The following PHACTR1 variants were observed in gnomAD, a reference collection of about 807,000 sequenced individuals.
PHACTR1 encodes the protein RPEL repeat containing 1.
PHACTR1 carries 16 observed loss-of-function variants against 69.2 expected under a neutral mutation model. The ratio of observed to expected loss-of-function variants is 0.23; its 90% CI spans 0.16 to 0.35. The LOEUF (loss-of-function observed/expected upper bound fraction) is 0.35, where lower values mean the gene tolerates loss of function less well. PHACTR1 is among the 10% of genes least tolerant of loss of function. The pLI is 1.00. For synonymous variants in PHACTR1, 312 were observed against 284.5 expected, an observed-to-expected ratio of 1.10 and a Z score of -0.97; for missense variants, 510 against 734.7, an observed-to-expected ratio of 0.69 and a Z score of 3.54.
At chr6:12,894,437 T>C (rs1177089782) in intron 4 of PHACTR1, among the ~76,000 whole-genome samples, 5 of 152,154 alleles carry the variant, frequency 3.3e-5, no homozygotes, top group African/African-American at 1.2e-4. Context: ...ATACCCCATC[T>C]CTACTAAAAA....
chr6:13,130,408 C>G (rs1442714342), intron 5 of PHACTR1, among the ~76,000 whole-genome samples: 1 of 151,976 alleles, frequency 6.6e-6, no homozygotes, highest in East Asian at 1.9e-4. Flanking sequence ...ATTTGATAGA[C>G]CTCTAGTGAG....
rs188472203 is a variant in PHACTR1 at position 12,826,949 on chromosome 6, C to T, written c.250+77159C>T. Among the ~76,000 whole-genome samples, 533 of 152,314 alleles carry T rather than the reference C, an allele frequency of 3.5e-3. 2 individuals carry two copies. The highest frequency in any genetic ancestry group is 6.3e-3 in the Non-Finnish European group (426 of 68,036). ...CTTAAGAATTGAATGCTAAGAACAT[C>T]CTAATAACCACCCAAATTTTATTTA... On this transcript the variant is annotated intron_variant, in intron 4 of 14. Coordinates refer to ENST00000332995, the MANE Select transcript of PHACTR1 (RefSeq NM_030948.6).
chr6:13,026,753 T>A (rs1262758899), intron 4 of PHACTR1, among the ~76,000 whole-genome samples: 1 of 151,980 alleles, frequency 6.6e-6, no homozygotes, highest in Non-Finnish European at 1.5e-5. Context: ...GCGTTGTTGC[T>A]GCTACATTGC....
intron 4 of PHACTR1, among the ~76,000 whole-genome samples, chr6:12,762,366 CT>C (rs1357845000): frequency 2.0e-5 from 3 of 152,168 alleles, no homozygotes; most frequent in Admixed American, 1.3e-4. Context: ...TTAGTCACTG[CT>C]TCTCTGTTAT....
At chr6:12,827,148 G>A (rs1473244279) in intron 4 of PHACTR1, among the ~76,000 whole-genome samples, 2 of 152,098 alleles carry the variant, frequency 1.3e-5, no homozygotes, top group African/African-American at 2.4e-5. Flanking sequence ...TAACATTCCC[G>A]GAGTTTTCTC....
chr6:13,062,102 G>A lies in PHACTR1; in HGVS notation c.415+8573G>A, dbSNP rs148244393. Among the ~76,000 whole-genome samples the A allele has an allele frequency of 4.9e-4, 75 of 152,274 alleles. 1 individual carries two copies. The East Asian group carries it at 0.012, about 24-fold the overall frequency. ...GATGATAATGATGAAGGGCTGGGCCGGAAATATGTTGGGAACTCTCCTGAT... is the reference window on the plus strand; with the variant it reads ...GATGATAATGATGAAGGGCTGGGCCAGAAATATGTTGGGAACTCTCCTGAT... On this transcript the variant is annotated intron_variant, in intron 5 of 14. Coordinates refer to ENST00000332995, the MANE Select transcript of PHACTR1 (RefSeq NM_030948.6).
intron 4 of PHACTR1, among the ~76,000 whole-genome samples, chr6:12,990,039 C>T (rs1796636684): frequency 6.6e-6 from 1 of 152,148 alleles, no homozygotes; most frequent in Non-Finnish European, 1.5e-5. Context: ...GGAGGCTTTC[C>T]TCCTCAGAGG....
At chr6:13,065,272 A>T (rs1473071370) in intron 5 of PHACTR1, among the ~76,000 whole-genome samples, 1 of 152,298 alleles carries the variant, frequency 6.6e-6, no homozygotes, top group South Asian at 2.1e-4. Flanking sequence ...TCGAGGGTAC[A>T]GTAACACCCT....
At chr6:12,769,780 C>T (rs973517432) in intron 4 of PHACTR1, among the ~76,000 whole-genome samples, 1 of 152,198 alleles carries the variant, frequency 6.6e-6, no homozygotes, top group Non-Finnish European at 1.5e-5. Context: ...TGTGAGATCC[C>T]TCTGTGAGGC....
At chr6:12,941,725 A>T (rs750189171) in intron 4 of PHACTR1, among the ~76,000 whole-genome samples, 13 of 152,162 alleles carry the variant, frequency 8.5e-5, no homozygotes, top group Non-Finnish European at 1.3e-4. Flanking sequence ...TGAGTCAGGG[A>T]TACAGCATAG....
At chr6:12,995,405 CT>C (rs1298763080) in intron 4 of PHACTR1, among the ~76,000 whole-genome samples, 1 of 151,922 alleles carries the variant, frequency 6.6e-6, no homozygotes, top group Non-Finnish European at 1.5e-5. Flanking sequence ...GATTAAACTT[CT>C]CTGCTCAAAG....
intron 4 of PHACTR1, among the ~76,000 whole-genome samples, chr6:12,781,483 T>C (rs1242855259): frequency 1.3e-5 from 2 of 152,226 alleles, no homozygotes; most frequent in African/African-American, 4.8e-5. Context: ...CAAATGGGCC[T>C]ACACGGGCTC....
chr6:13,238,761 T>C (rs1280392478), intron 10 of PHACTR1, among the ~76,000 whole-genome samples: 1 of 152,154 alleles, frequency 6.6e-6, no homozygotes, highest in Non-Finnish European at 1.5e-5. Flanking sequence ...GGACTAATGC[T>C]GAGTGTGAGC....
intron 7 of PHACTR1, among the ~76,000 whole-genome samples, chr6:13,205,421 C>T (rs948817354): frequency 6.6e-6 from 1 of 152,220 alleles, no homozygotes; most frequent in African/African-American, 2.4e-5. Context: ...TTTGCAGGGA[C>T]AAACTGCATC....
At chr6:13,059,271 G>A (rs557267398) in intron 5 of PHACTR1, among the ~76,000 whole-genome samples, 100 of 152,236 alleles carry the variant, frequency 6.6e-4, no homozygotes, top group African/African-American at 2.2e-3. Context: ...TATCTGAAAA[G>A]TCAAGTAGAA....
At chr6:12,730,490 A>C (rs1272785431) in intron 3 of PHACTR1, among the ~76,000 whole-genome samples, 2 of 148,868 alleles carry the variant, frequency 1.3e-5, no homozygotes, top group South Asian at 2.4e-4. Context: ...AAAAAAAAAA[A>C]ACCTCAATGC....
intron 10 of PHACTR1, among the ~76,000 whole-genome samples, chr6:13,272,028 G>A (rs939768101): frequency 1.3e-5 from 2 of 152,192 alleles, no homozygotes; most frequent in Non-Finnish European, 2.9e-5. Flanking sequence ...TGGAATGCCG[G>A]ATAATTGCAG....
chr6:12,758,459 C>G (rs955912752), intron 4 of PHACTR1, among the ~76,000 whole-genome samples: 11 of 123,396 alleles, frequency 8.9e-5, no homozygotes, highest in African/African-American at 3.3e-4. Context: ...GAGCGAGACT[C>G]TCTTTCTAAA....
chr6:13,281,453 C>A, intron 12 of PHACTR1: 1 of 315,702 alleles, frequency 3.2e-6, no homozygotes, highest in Non-Finnish European at 6.5e-6. Flanking sequence ...ACTCGGGAGG[C>A]TGAGGCAGGA....
Sources: allele counts gnomAD v4.1 joint callset (sites outside exome capture counted in the v4.1 genomes callset), GRCh38; gene constraint gnomAD v4.1.1; transcripts MANE v1.5; gene names NCBI Gene and HGNC (gene_info 2026-07-23, HGNC 2026-07-21).